COX10: variants seen among roughly 807,000 people sequenced by gnomAD.
The protein encoded by COX10 is protoheme IX farnesyltransferase, mitochondrial.
In COX10, 27 loss-of-function variants were observed where a neutral mutation model predicts 37.3. That is an observed-to-expected ratio of 0.72 (90% CI 0.53 to 1.00). The LOEUF (loss-of-function observed/expected upper bound fraction) is 1.00. COX10 is among the 50% of genes least tolerant of loss of function. The probability of loss-of-function intolerance (pLI) is 0.00; values close to 1 mark genes in which losing one functional copy is unlikely to be tolerated. For missense variants in COX10, 475 were observed against 563.2 expected, an observed-to-expected ratio of 0.84 and a Z score of 1.59; for synonymous variants, 222 against 229.1, an observed-to-expected ratio of 0.97 and a Z score of 0.28.
chr17:14,160,629 G>T (rs1034606766), intron 5 of COX10, among the ~76,000 whole-genome samples: 1 of 152,068 alleles, frequency 6.6e-6, no homozygotes, highest in Non-Finnish European at 1.5e-5. Flanking sequence ...AAAATTTATT[G>T]TGATAACACT....
At position 14,208,596 on chromosome 17, in the gene COX10, GC is replaced by G. The variant is rs1906778887; in HGVS notation, c.*1385del. On this transcript the variant is annotated 3_prime_UTR_variant, in exon 7 of 7. Transcript: ENST00000261643. ...CATTGCATAGGAATGTCTGGAAAAAGCCTCTACAACTTGTTACAGCCTTCAC... is the reference window on the plus strand; with the variant it reads ...CATTGCATAGGAATGTCTGGAAAAAGCTCTACAACTTGTTACAGCCTTCAC... 6.6e-6 allele frequency: 1 copy of G among 152,182 alleles called. No individual in the cohort carries two copies. Among genetic ancestry groups the G allele is most frequent in the Admixed American group, 6.5e-5 (1 of 15,284 alleles). The allele number at this position is 152,182 out of a possible 1,614,324, so 9.4% of individuals were successfully genotyped here.
At chr17:14,152,399 C>T (rs1483788307) in intron 4 of COX10, among the ~76,000 whole-genome samples, 1 of 152,178 alleles carries the variant, frequency 6.6e-6, no homozygotes, top group East Asian at 1.9e-4. Context: ...ATATTCACTA[C>T]TACAAGAACA....
intron 3 of COX10, among the ~76,000 whole-genome samples, chr17:14,099,261 G>T (rs901530768): frequency 6.6e-6 from 1 of 152,042 alleles, no homozygotes; most frequent in Non-Finnish European, 1.5e-5. Flanking sequence ...AAATACTTGT[G>T]CTCTAGGTAC....
intron 6 of COX10, among the ~76,000 whole-genome samples, chr17:14,192,718 A>G (rs947883697): frequency 3.3e-5 from 5 of 152,094 alleles, no homozygotes; most frequent in Admixed American, 3.3e-4. Context: ...CATACTGTCT[A>G]TAGTAAAACT....
At chr17:14,150,359 T>C (rs1163844972) in intron 4 of COX10, among the ~76,000 whole-genome samples, 1 of 152,240 alleles carries the variant, frequency 6.6e-6, no homozygotes, top group East Asian at 1.9e-4. Context: ...GGAAAACCTC[T>C]TTTGAAAATT....
chr17:14,182,299 TAAATAAAAA>T, intron 5 of COX10: 1 of 800,030 alleles, frequency 1.2e-6, no homozygotes, highest in Non-Finnish European at 1.5e-6. Flanking sequence ...AATAAATAAA[TAAATAAAAA>T]GGTGTCTGTG....
chr17:14,137,116 G>A (rs1234940639), intron 4 of COX10, among the ~76,000 whole-genome samples: 2 of 151,686 alleles, frequency 1.3e-5, no homozygotes, highest in Non-Finnish European at 2.9e-5. Context: ...TCTCACTGTT[G>A]GTGAAACTAA....
At chr17:14,199,027 A>G (rs916624604) in intron 6 of COX10, among the ~76,000 whole-genome samples, 10 of 152,168 alleles carry the variant, frequency 6.6e-5, no homozygotes, top group Non-Finnish European at 2.9e-5. Flanking sequence ...TGGGAATATT[A>G]GCAAACAAAC....
intron 6 of COX10, among the ~76,000 whole-genome samples, chr17:14,204,487 C>T (rs1182306640): frequency 2.0e-5 from 3 of 152,068 alleles, no homozygotes; most frequent in African/African-American, 7.2e-5. Flanking sequence ...CTTATTTACA[C>T]TGCACGCACA....
chr17:14,149,264 T>G (rs1185740894), intron 4 of COX10, among the ~76,000 whole-genome samples: 1 of 152,068 alleles, frequency 6.6e-6, no homozygotes, highest in East Asian at 1.9e-4. Context: ...TTTATATCAA[T>G]TAGTGCCCTT....
At position 14,069,609 on chromosome 17, in the gene COX10, G is replaced by A; in HGVS notation, c.4G>A (p.Ala2Thr). 6.2e-7 allele frequency: 1 copy of A among 1,614,050 alleles called. No homozygotes were observed. The highest frequency in any genetic ancestry group is 8.5e-7 in the Non-Finnish European group (1 of 1,180,012). Reference sequence around the variant, plus strand: ...AGCGGCCCCAGACTCGTAAATTATGGCCGCATCTCCGCACACTCTCTCCTC... The same window carrying A: ...AGCGGCCCCAGACTCGTAAATTATGACCGCATCTCCGCACACTCTCTCCTC... M[A>T]ASPHTLSSRL... The change falls in exon 1 of 7, where the codon GCC (alanine) becomes ACC (threonine). Residue 2 changes from alanine to threonine, a missense_variant. Ala to Thr is a moderately conservative substitution (Grantham distance 58). This residue lies in a region of COX10 where 242 missense variants were observed against 242.5 expected (regional missense o/e 1.00). Transcript: ENST00000261643.
chr17:14,134,045 G>T (rs554957919), intron 4 of COX10, among the ~76,000 whole-genome samples: 11 of 151,476 alleles, frequency 7.3e-5, no homozygotes, highest in Non-Finnish European at 1.5e-4. Flanking sequence ...CTTTGCTTTG[G>T]TGTTAAATAA....
chr17:14,106,457 C>A (rs1270519562), intron 4 of COX10, among the ~76,000 whole-genome samples: 1 of 152,106 alleles, frequency 6.6e-6, no homozygotes, highest in Non-Finnish European at 1.5e-5. Context: ...TAAATCTTTG[C>A]ATATATCCTT....
At chr17:14,139,525 G>T (rs568571612) in intron 4 of COX10, among the ~76,000 whole-genome samples, 1 of 152,068 alleles carries the variant, frequency 6.6e-6, no homozygotes, top group Non-Finnish European at 1.5e-5. Flanking sequence ...TGAAATTTTC[G>T]TAAGAAAGTT....
At chr17:14,084,431 C>T (rs1915364921) in intron 3 of COX10, among the ~76,000 whole-genome samples, 1 of 152,074 alleles carries the variant, frequency 6.6e-6, no homozygotes. Context: ...TTGATATATT[C>T]TCTTCCAGAA....
intron 4 of COX10, among the ~76,000 whole-genome samples, chr17:14,141,608 A>G (rs1481514437): frequency 6.6e-6 from 1 of 151,950 alleles, no homozygotes; most frequent in East Asian, 1.9e-4. Flanking sequence ...TCATTGTGGA[A>G]TAAAAGTCAC....
At chr17:14,181,961 C>G in intron 5 of COX10, 1 of 983,620 alleles carries the variant, frequency 1.0e-6, no homozygotes, top group Non-Finnish European at 1.2e-6. Flanking sequence ...AAGGCTGAAT[C>G]TCAGTGGTCA....
intron 4 of COX10, among the ~76,000 whole-genome samples, chr17:14,104,731 A>AG (rs1459610213): frequency 6.6e-6 from 1 of 152,182 alleles, no homozygotes; most frequent in Non-Finnish European, 1.5e-5. Context: ...CTGTGAAAGT[A>AG]GAAAAAATAA....
chr17:14,183,958 A>T (rs185845055), intron 5 of COX10, among the ~76,000 whole-genome samples: 27 of 109,644 alleles, frequency 2.5e-4, no homozygotes, highest in Admixed American at 7.3e-4. Flanking sequence ...AGAAATTTTA[A>T]TGAATGAATG....
Sources: gnomAD v4.1 joint callset for allele counts (sites outside exome capture counted in the v4.1 genomes callset) on GRCh38, gnomAD v4.1.1 for gene constraint, gnomAD v4.1.1 regional missense constraint, MANE v1.5 for transcripts, NCBI Gene and HGNC (gene_info 2026-07-23, HGNC 2026-07-21) for gene names.